NOL8: variants seen among roughly 807,000 people sequenced by gnomAD.
NOL8 encodes nucleolar protein 8.
A neutral mutation model predicts 116.1 loss-of-function variants in NOL8; 93 were observed. That is an observed-to-expected ratio of 0.80 (90% CI 0.68 to 0.95). NOL8 has a LOEUF of 0.95. Among genes scored for constraint, NOL8 ranks in the 40% least tolerant of loss-of-function variants. The pLI is 0.00. For synonymous variants in NOL8, 419 were observed against 469.0 expected (o/e 0.89, Z 1.38); for missense variants, 1,291 against 1,382.8 (o/e 0.93, Z 1.05).
rs201153044 is a variant in NOL8, at chr9:92,305,777, T to C, written c.2879A>G (p.Lys960Arg). 581 of 1,611,940 alleles carry C rather than the reference T, an allele frequency of 3.6e-4. 1 individual carries two copies. The highest frequency in any genetic ancestry group is 4.7e-4 in the Non-Finnish European group (554 of 1,178,376). The change falls in exon 12 of 17, where the codon AAA becomes AGA. Residue 960 changes from lysine (K) to arginine (R), a missense_variant. Coordinates refer to ENST00000442668, the MANE Select transcript of NOL8 (RefSeq NM_017948.6). ...CCTTTCTTTTGGCTTATCATCTCTT[T>C]TTCTTTCGTAAGTGGCATGGTCTTG... The part of the protein sequence containing the change: ...TKQDHATYER[K>R]RDDKPKESKA...
chr9:92,316,403 A>G (rs974559064), intron 6 of NOL8, among the ~76,000 whole-genome samples: 4 of 152,166 alleles, frequency 2.6e-5, no homozygotes, highest in African/African-American at 9.7e-5. Flanking sequence ...TAGCAAACCT[A>G]TTCAGATTAT....
At chr9:92,311,039 G>A in intron 8 of NOL8, 107 bp downstream of exon 8, 3 of 839,352 alleles carry the variant, frequency 3.6e-6, no homozygotes, top group Non-Finnish European at 5.7e-6. Context: ...CAAGCCCTGG[G>A]TCTCATTGGG....
At position 92,297,783 on chromosome 9, in the gene NOL8, G is replaced by T; in HGVS notation, c.*53C>A. Reference sequence around the variant, plus strand: ...TCAGCTAAAACTGTTTTCTGGGTCAGTTTCCTTAGGTGAGCCTTGTTCACA... The same window carrying T: ...TCAGCTAAAACTGTTTTCTGGGTCATTTTCCTTAGGTGAGCCTTGTTCACA... On this transcript the variant is annotated 3_prime_UTR_variant, in exon 17 of 17. Coordinates refer to ENST00000442668, the MANE Select transcript of NOL8 (RefSeq NM_017948.6). The T allele has an allele frequency of 3.0e-6, 4 of 1,353,280 alleles. No individual in the cohort carries two copies. Among genetic ancestry groups the T allele is most frequent in the Non-Finnish European group, 4.0e-6 (4 of 998,000 alleles). The allele number at this position is 1,353,280 out of a possible 1,614,324, so 83.8% of individuals were successfully genotyped here. A position where few individuals can be genotyped will look rare whatever the true frequency, so the allele number is the denominator to read the frequency against.
rs56332087 is a variant in NOL8, at chr9:92,323,508, A to AAAACAAAC, written c.140-13_140-6dup. 2.8e-5 allele frequency: 44 copies of AAAACAAAC among 1,592,998 alleles called. No individual in the cohort carries two copies. The highest frequency in any genetic ancestry group is 3.7e-5 in the Non-Finnish European group (43 of 1,169,526). The stretch of plus-strand genomic sequence containing the variant: ...CAAAAACTTTCTGTGGGTTTCCTAA[A>AAAACAAAC]AAACAAACAAACAAACAAACAAAAC... On this transcript the variant is annotated splice_region_variant and splice_polypyrimidine_tract_variant and intron_variant, in intron 2 of 16. Transcript: ENST00000442668.
rs577827197 is a variant in NOL8 at position 92,310,499 on chromosome 9, A to G, written c.2595+54T>C. On this transcript the variant is annotated intron_variant, in intron 9 of 16. Coordinates refer to ENST00000442668, the MANE Select transcript of NOL8 (RefSeq NM_017948.6). ...CTGCATTTACCCAGATTTAAGGACTATGTCAAAAAATAAGGACATGCTGCA... is the reference window on the plus strand; with the variant it reads ...CTGCATTTACCCAGATTTAAGGACTGTGTCAAAAAATAAGGACATGCTGCA... 9.7e-6 allele frequency: 15 copies of G among 1,548,758 alleles called. 1 individual carries two copies. The African/African-American group carries it at 1.2e-4, about 13-fold the overall frequency.
chr9:92,304,644 T>C (rs189406665), intron 12 of NOL8, among the ~76,000 whole-genome samples: 1 of 152,330 alleles, frequency 6.6e-6, no homozygotes, highest in African/African-American at 2.4e-5. Flanking sequence ...AAAATGTGAT[T>C]CTTTTTAAAA....
At chr9:92,318,462 C>T (rs997971996) in intron 6 of NOL8, among the ~76,000 whole-genome samples, 156 bp downstream of exon 6, 1 of 152,170 alleles carries the variant, frequency 6.6e-6, no homozygotes, top group African/African-American at 2.4e-5. Flanking sequence ...TTTTCTCATG[C>T]TCTAATTGTT....
chr9:92,298,890 G>T lies in NOL8; in HGVS notation c.3367C>A (p.Leu1123Ile), dbSNP rs1245110001. 3 of 1,524,176 alleles carry T rather than the reference G, an allele frequency of 2.0e-6. No individual in the cohort carries two copies. The highest frequency in any genetic ancestry group is 2.7e-6 in the Non-Finnish European group (3 of 1,129,040). The allele number at this position is 1,524,176 out of a possible 1,614,324, so 94.4% of individuals were successfully genotyped here. A position where few individuals can be genotyped will look rare whatever the true frequency, so the allele number is the denominator to read the frequency against. ...ATGAAAAAAATGGACTGACCTTGAA[G>T]TCGTTCATCATTCTTAGAGAAAAAG... is the stretch of plus-strand genomic sequence containing the variant. ...FFFFSKNDER[L>I]QGSDLFWRGV... Residue 1123 changes from leucine (L) to isoleucine (I), a missense_variant, in exon 15 of 17, where the codon CTT becomes ATT. Physicochemically the swap from Leu to Ile is conservative, Grantham distance 5. Coordinates refer to ENST00000442668, the MANE Select transcript of NOL8 (RefSeq NM_017948.6).
intron 3 of NOL8, 135 bp downstream of exon 3, chr9:92,323,306 G>C: frequency 6.5e-7 from 1 of 1,538,442 alleles, no homozygotes; most frequent in Non-Finnish European, 8.7e-7. Context: ...TACGATACTG[G>C]AATTCTCTTC....
rs771850549 is a variant in NOL8, at chr9:92,300,028, T to C, written c.3176-12A>G. 3.7e-6 allele frequency: 6 copies of C among 1,611,382 alleles called. No individual in the cohort carries two copies. The highest frequency in any genetic ancestry group is 1.1e-5 in the South Asian group (1 of 90,768). On this transcript the variant is annotated splice_polypyrimidine_tract_variant and intron_variant, in intron 13 of 16. Transcript: ENST00000442668. Reference sequence around the variant, plus strand: ...AACTCTGTAGGTCTCTATATCGTTATGACAACAAAAGATGATGGGATTGTA... The same window carrying C: ...AACTCTGTAGGTCTCTATATCGTTACGACAACAAAAGATGATGGGATTGTA...
In NOL8 at chr9:92,301,542, G is replaced by T; in HGVS notation, c.3175+9C>A. 6.4e-7 allele frequency: 1 copy of T among 1,561,676 alleles called. No homozygotes were observed. Among genetic ancestry groups the T allele is most frequent in the African/African-American group, 1.4e-5 (1 of 72,216 alleles). The stretch of plus-strand genomic sequence containing the variant: ...TAAAATAAAAAAGTATGGGAAAAAA[G>T]AAAAGTACCTTCCTTTATGTCTTTA... On this transcript the variant is annotated intron_variant, in intron 13 of 16. Coordinates refer to ENST00000442668, the MANE Select transcript of NOL8 (RefSeq NM_017948.6).
At chr9:92,313,572 C>T (rs143666845) in intron 7 of NOL8, among the ~76,000 whole-genome samples, 655 of 152,248 alleles carry the variant, frequency 4.3e-3, no homozygotes, top group Middle Eastern at 0.014. Context: ...CAAAATGAAA[C>T]CACTAGCCTC....
At chr9:92,313,474 T>A (rs1016436598) in intron 7 of NOL8, among the ~76,000 whole-genome samples, 1 of 152,238 alleles carries the variant, frequency 6.6e-6, no homozygotes, top group African/African-American at 2.4e-5. Context: ...GCCTTTGAGG[T>A]GTAGTTTGTC....
intron 6 of NOL8, among the ~76,000 whole-genome samples, 200 bp downstream of exon 6, chr9:92,318,418 A>G (rs1390582008): frequency 2.6e-5 from 4 of 152,220 alleles, no homozygotes; most frequent in Non-Finnish European, 2.9e-5. Context: ...GGCACTCATC[A>G]TTTGAATTAC....
chr9:92,323,083 G>A (rs10992304), intron 3 of NOL8: 76,211 of 238,628 alleles, frequency 0.32, 15,487 homozygotes, highest in African/African-American at 0.63. Flanking sequence ...CCCCTCAAGA[G>A]TGTTTAGTGA....
At chr9:92,309,442 A>C (rs1039798647) in intron 10 of NOL8, among the ~76,000 whole-genome samples, 2 of 152,094 alleles carry the variant, frequency 1.3e-5, no homozygotes, top group Admixed American at 1.3e-4. Context: ...TGATGAAAGG[A>C]GTAATAGGAA....
intron 5 of NOL8, 132 bp downstream of exon 5, chr9:92,319,088 TC>T: frequency 2.2e-6 from 2 of 907,180 alleles, no homozygotes; most frequent in Non-Finnish European, 3.2e-6. Flanking sequence ...AATCATAAAG[TC>T]CTATCTATGT....
chr9:92,312,446 T>TAAA (rs34116665), intron 7 of NOL8, among the ~76,000 whole-genome samples: 4 of 57,540 alleles, frequency 7.0e-5, no homozygotes, highest in Non-Finnish European at 9.3e-5. Context: ...TGAGACCCTG[T>TAAA]AAAAAAAAAA....
chr9:92,321,626 A>T (rs370503989), intron 4 of NOL8, 42 bp downstream of exon 4: 186 of 1,118,350 alleles, frequency 1.7e-4, no homozygotes, highest in Admixed American at 2.1e-4. Flanking sequence ...CACTTACAAT[A>T]TAAAAAAAAT....
Sources: gnomAD v4.1 joint callset for allele counts (sites outside exome capture counted in the v4.1 genomes callset) on GRCh38, gnomAD v4.1.1 for gene constraint, MANE v1.5 for transcripts, NCBI Gene and HGNC (gene_info 2026-07-23, HGNC 2026-07-21) for gene names.